Variants in HECTD2 observed in about 807,000 individuals in gnomAD.
HECTD2 encodes the protein probable E3 ubiquitin-protein ligase HECTD2.
In HECTD2, 35 loss-of-function variants were observed where a neutral mutation model predicts 103.2. The ratio of observed to expected loss-of-function variants is 0.34; its 90% CI spans 0.26 to 0.45. HECTD2 has a LOEUF of 0.45. Ranked by LOEUF, HECTD2 falls within the 20% of genes least tolerant of loss-of-function variation. HECTD2 has a pLI of 1.00. For missense variants in HECTD2, 596 were observed against 937.4 expected (o/e 0.64, Z 4.76); for synonymous variants, 281 against 329.9 (o/e 0.85, Z 1.61).
chr10:91,471,021 CAAAG>C (rs112620253), intron 5 of HECTD2, among the ~76,000 whole-genome samples: 16,911 of 150,926 alleles, frequency 0.11, 2,890 homozygotes, highest in African/African-American at 0.37. Flanking sequence ...CGCACACACA[CAAAG>C]AAAACCTCAG....
At chr10:91,425,952 A>G (rs960442774) in intron 2 of HECTD2, among the ~76,000 whole-genome samples, 6 of 152,020 alleles carry the variant, frequency 3.9e-5, no homozygotes, top group African/African-American at 1.4e-4. Context: ...ATTGGAAGCA[A>G]TCTATATTAG....
chr10:91,467,293 G>T (rs969149666), intron 5 of HECTD2, among the ~76,000 whole-genome samples: 16 of 152,188 alleles, frequency 1.1e-4, no homozygotes, highest in East Asian at 3.9e-4. Flanking sequence ...ACTCCAGCCT[G>T]TGTGGCGCCC....
chr10:91,507,522 C>T (rs1360749206), intron 20 of HECTD2, among the ~76,000 whole-genome samples: 5 of 152,158 alleles, frequency 3.3e-5, no homozygotes, highest in East Asian at 1.9e-4. Flanking sequence ...CCATTCACAA[C>T]TGCTTCAAAG....
At chr10:91,412,176 A>G (rs1354357185) in intron 1 of HECTD2, among the ~76,000 whole-genome samples, 2 of 152,222 alleles carry the variant, frequency 1.3e-5, no homozygotes, top group Non-Finnish European at 2.9e-5. Flanking sequence ...AACCATCTTA[A>G]TAACTGTAAT....
At chr10:91,444,870 G>T (rs1436726976) in intron 2 of HECTD2, among the ~76,000 whole-genome samples, 1 of 152,110 alleles carries the variant, frequency 6.6e-6, no homozygotes. Context: ...ATCATTTAGG[G>T]TTCATTCAGC....
intron 2 of HECTD2, among the ~76,000 whole-genome samples, chr10:91,437,267 T>G (rs1056743182): frequency 3.3e-5 from 5 of 152,030 alleles, no homozygotes; most frequent in African/African-American, 1.2e-4. Flanking sequence ...ACCTGAAGGC[T>G]TGATCATTCC....
At chr10:91,485,933 A>G (rs1328076412) in intron 10 of HECTD2, 1 of 152,130 alleles carries the variant, frequency 6.6e-6, no homozygotes, top group Non-Finnish European at 1.5e-5. Flanking sequence ...CAGCTTATTT[A>G]TTATAATAAT....
intron 1 of HECTD2, among the ~76,000 whole-genome samples, chr10:91,412,981 G>A (rs796068725): frequency 1.3e-4 from 20 of 152,114 alleles, no homozygotes; most frequent in African/African-American, 4.3e-4. Flanking sequence ...GGTTTGCTTA[G>A]GAACCTAATT....
intron 18 of HECTD2, 33 bp from the exon 19 acceptor site, chr10:91,500,469 T>A (rs1189861978): frequency 9.8e-7 from 1 of 1,024,042 alleles, no homozygotes; most frequent in Admixed American, 1.7e-5. Context: ...CATCACTCTT[T>A]AATTATTGTT....
intron 1 of HECTD2, among the ~76,000 whole-genome samples, chr10:91,419,677 T>C (rs1843272531): frequency 6.6e-6 from 1 of 152,192 alleles, no homozygotes; most frequent in Admixed American, 6.5e-5. Context: ...ATATCTATTA[T>C]TTAAAGGTTG....
intron 2 of HECTD2, among the ~76,000 whole-genome samples, chr10:91,433,332 G>GT (rs1564704644): frequency 6.6e-6 from 1 of 151,782 alleles, no homozygotes; most frequent in Non-Finnish European, 1.5e-5. Flanking sequence ...TCTCTTTTCT[G>GT]TTATCTCTTG....
At chr10:91,453,316 A>C (rs1844918768) in intron 2 of HECTD2, among the ~76,000 whole-genome samples, 2 of 152,118 alleles carry the variant, frequency 1.3e-5, no homozygotes, top group Admixed American at 6.6e-5. Flanking sequence ...CTGTAGTCCT[A>C]GCTACTCAGG....
intron 20 of HECTD2, among the ~76,000 whole-genome samples, chr10:91,501,993 T>G (rs972781706): frequency 8.5e-5 from 13 of 152,238 alleles, no homozygotes; most frequent in African/African-American, 2.2e-4. Context: ...GTGCTCTTAG[T>G]TCTTCCTTTC....
intron 20 of HECTD2, among the ~76,000 whole-genome samples, chr10:91,509,157 G>A (rs1244460710): frequency 6.6e-6 from 1 of 150,536 alleles, no homozygotes; most frequent in African/African-American, 2.4e-5. Context: ...ATAGCACTGG[G>A]AGATATACCT....
intron 20 of HECTD2, among the ~76,000 whole-genome samples, chr10:91,504,211 T>G (rs1037884126): frequency 1.3e-5 from 2 of 151,962 alleles, no homozygotes; most frequent in African/African-American, 2.4e-5. Flanking sequence ...ACTCTAAAAA[T>G]CAGAGCGCCT....
intron 1 of HECTD2, among the ~76,000 whole-genome samples, chr10:91,412,450 T>G (rs1842953617): frequency 7.0e-6 from 1 of 142,202 alleles, no homozygotes. Flanking sequence ...ATACAAAACT[T>G]GAGGGTTTTT....
At chr10:91,501,050 C>G in intron 19 of HECTD2, 141 bp from the exon 20 acceptor site, 1 of 636,168 alleles carries the variant, frequency 1.6e-6, no homozygotes, top group South Asian at 2.0e-5. Context: ...TATATAGAAG[C>G]TCACCATTCC....
intron 2 of HECTD2, among the ~76,000 whole-genome samples, chr10:91,457,534 C>T (rs1424997971): frequency 2.0e-5 from 3 of 151,876 alleles, no homozygotes; most frequent in Non-Finnish European, 4.4e-5. Context: ...ATGTAATCCA[C>T]CATACTAACA....
At chr10:91,424,774 C>T (rs1843493906) in intron 1 of HECTD2, among the ~76,000 whole-genome samples, 1 of 151,970 alleles carries the variant, frequency 6.6e-6, no homozygotes, top group Admixed American at 6.6e-5. Flanking sequence ...AATCACAGTG[C>T]TTAGAAAAAC....
Sources: gnomAD v4.1 joint callset for allele counts (sites outside exome capture counted in the v4.1 genomes callset) on GRCh38, gnomAD v4.1.1 for gene constraint, MANE v1.5 for transcripts, NCBI Gene and HGNC (gene_info 2026-07-23, HGNC 2026-07-21) for gene names.